The following MYRIP variants were observed in gnomAD, a reference collection of about 807,000 sequenced individuals.
MYRIP encodes the protein myosin VIIA and Rab interacting protein.
A neutral mutation model predicts 98.0 loss-of-function variants in MYRIP; 49 were observed. The ratio of observed to expected loss-of-function variants is 0.50; its 90% CI spans 0.40 to 0.63. MYRIP has a LOEUF of 0.63. Ranked by LOEUF, MYRIP falls within the 30% of genes least tolerant of loss-of-function variation. The probability of loss-of-function intolerance (pLI) is 0.00; values close to 1 mark genes in which losing one functional copy is unlikely to be tolerated. For synonymous variants in MYRIP, 404 were observed against 409.5 expected (o/e 0.99, Z 0.16); for missense variants, 1,004 against 1,058.2 (o/e 0.95, Z 0.71).
chr3:39,956,786 A>C (rs188530933), intron 2 of MYRIP, among the ~76,000 whole-genome samples: 1 of 151,966 alleles, frequency 6.6e-6, no homozygotes, highest in African/African-American at 2.4e-5. Context: ...CGCTAGCAAG[A>C]CTAAGAAAGA....
chr3:40,108,734 G>A (rs747581545), intron 3 of MYRIP, among the ~76,000 whole-genome samples: 3 of 152,192 alleles, frequency 2.0e-5, no homozygotes, highest in Admixed American at 6.5e-5. Context: ...TTTAAGGAGG[G>A]AGTGGGAAGT....
intron 2 of MYRIP, among the ~76,000 whole-genome samples, chr3:39,973,855 G>A (rs1004013082): frequency 2.0e-5 from 3 of 152,130 alleles, no homozygotes; most frequent in Non-Finnish European, 4.4e-5. Context: ...AAACCAATAA[G>A]AACAAAGACG....
chr3:40,209,213 A>C (rs1951856576), intron 10 of MYRIP: 1 of 152,284 alleles, frequency 6.6e-6, no homozygotes, highest in African/African-American at 2.4e-5. Flanking sequence ...GAAACAAAGC[A>C]GCTCCAAGCT....
chr3:39,975,614 A>C (rs1226820595), intron 2 of MYRIP, among the ~76,000 whole-genome samples: 1 of 152,058 alleles, frequency 6.6e-6, no homozygotes, highest in African/African-American at 2.4e-5. Flanking sequence ...CAAAAGAACA[A>C]AGCTGGAGGC....
intron 10 of MYRIP, among the ~76,000 whole-genome samples, 163 bp downstream of exon 10, chr3:40,190,626 A>G (rs1951181868): frequency 6.6e-6 from 1 of 152,102 alleles, no homozygotes. Context: ...AGGTCACATC[A>G]ACTCTTTGGG....
chr3:40,015,675 G>T (rs1946847975), intron 2 of MYRIP, among the ~76,000 whole-genome samples: 1 of 152,196 alleles, frequency 6.6e-6, no homozygotes, highest in South Asian at 2.1e-4. Context: ...GTCATCATCT[G>T]CTGTTCCTCC....
chr3:40,139,608 C>T (rs572986628), intron 3 of MYRIP, among the ~76,000 whole-genome samples: 12 of 152,202 alleles, frequency 7.9e-5, no homozygotes, highest in Admixed American at 2.0e-4. Context: ...GAGACAGGGT[C>T]GCCTTCTGTT....
At chr3:39,891,027 C>T (rs1275679565) in intron 1 of MYRIP, among the ~76,000 whole-genome samples, 7 of 152,082 alleles carry the variant, frequency 4.6e-5, no homozygotes, top group African/African-American at 1.7e-4. Context: ...TAACTTTCCA[C>T]GTATATTTGG....
intron 10 of MYRIP, among the ~76,000 whole-genome samples, chr3:40,195,177 TATTA>T (rs1951352781): frequency 6.6e-6 from 1 of 152,240 alleles, no homozygotes; most frequent in Non-Finnish European, 1.5e-5. Flanking sequence ...GCTCTAAGTT[TATTA>T]GATACTATCA....
At chr3:39,969,138 G>A (rs1344908753) in intron 2 of MYRIP, among the ~76,000 whole-genome samples, 1 of 152,118 alleles carries the variant, frequency 6.6e-6, no homozygotes, top group African/African-American at 2.4e-5. Context: ...GCTATTGTTG[G>A]TGTATAGAAA....
At chr3:40,113,774 C>G (rs1949211702) in intron 3 of MYRIP, among the ~76,000 whole-genome samples, 1 of 152,158 alleles carries the variant, frequency 6.6e-6, no homozygotes, top group Non-Finnish European at 1.5e-5. Flanking sequence ...ACTGCAAGCT[C>G]CACCTCCCGG....
intron 3 of MYRIP, among the ~76,000 whole-genome samples, chr3:40,149,413 G>A (rs73067622): frequency 0.21 from 32,386 of 152,126 alleles, 4,105 homozygotes; most frequent in South Asian, 0.36. Flanking sequence ...TAGCATTGGG[G>A]ATCACATTTT....
intron 2 of MYRIP, among the ~76,000 whole-genome samples, chr3:40,040,529 C>T (rs1217543556): frequency 1.5e-5 from 1 of 67,758 alleles, no homozygotes; most frequent in Non-Finnish European, 2.9e-5. Flanking sequence ...CACATGCACA[C>T]GTATGTTTAT....
intron 3 of MYRIP, among the ~76,000 whole-genome samples, chr3:40,114,383 T>C (rs1194141549): frequency 6.6e-6 from 1 of 152,236 alleles, no homozygotes; most frequent in African/African-American, 2.4e-5. Flanking sequence ...GTACATTCTA[T>C]GATGCTCTCA....
Position 40,259,078 on chromosome 3 carries a change from T to TTTAC in MYRIP, c.*915_*918dup, listed in dbSNP as rs1953689931. 6.6e-6 allele frequency: 1 copy of TTTAC among 152,160 alleles called. No individual in the cohort carries two copies. Among genetic ancestry groups the TTTAC allele is most frequent in the Non-Finnish European group, 1.5e-5 (1 of 68,020 alleles). 9.4% of individuals were successfully genotyped at this position (152,160 alleles called of 1,614,324 possible). ...CATGAGAAAATTTTTGTACTCCAAA[T>TTTAC]TTACTTCCCAATAAATATTCAGCAA... On this transcript the variant is annotated 3_prime_UTR_variant, in exon 17 of 17. Coordinates refer to ENST00000302541, the MANE Select transcript of MYRIP (RefSeq NM_015460.4).
chr3:40,007,688 T>C (rs1362829097), intron 2 of MYRIP, among the ~76,000 whole-genome samples: 1 of 152,160 alleles, frequency 6.6e-6, no homozygotes, highest in African/African-American at 2.4e-5. Flanking sequence ...GTGTGCAAGA[T>C]TGACTGATTT....
chr3:39,816,136 C>T (rs1231272860), intron 1 of MYRIP, among the ~76,000 whole-genome samples: 1 of 150,802 alleles, frequency 6.6e-6, no homozygotes, highest in Non-Finnish European at 1.5e-5. Context: ...GGCTGGAGTG[C>T]AGTGGTGCAA....
Position 40,061,139 on chromosome 3 carries a change from ACTT to A in MYRIP, c.332+16871_332+16873del, listed in dbSNP as rs1395017906. Among the ~76,000 whole-genome samples the A allele has an allele frequency of 2.6e-4, 40 of 152,276 alleles. 2 individuals carry two copies. Among genetic ancestry groups the A allele is most frequent in the African/African-American group, 8.2e-4 (34 of 41,558 alleles). On this transcript the variant is annotated intron_variant, in intron 3 of 16. Transcript: ENST00000302541. ...ATGTGAAGGTTTGTTATACAGGTAA[ACTT>A]CTGTCACAGGGGTTTGTTGTACAGA...
intron 11 of MYRIP, among the ~76,000 whole-genome samples, chr3:40,211,945 G>A (rs575987091): frequency 2.0e-5 from 3 of 151,982 alleles, no homozygotes; most frequent in African/African-American, 7.2e-5. Context: ...AATTAGGCAG[G>A]AAATTAAGAG....
Sources: allele counts gnomAD v4.1 joint callset (sites outside exome capture counted in the v4.1 genomes callset), GRCh38; gene constraint gnomAD v4.1.1; transcripts MANE v1.5; gene names NCBI Gene and HGNC (gene_info 2026-07-23, HGNC 2026-07-21).